The following HEATR4 variants were observed in gnomAD, a reference collection of about 807,000 sequenced individuals.
HEATR4 encodes the protein HEAT repeat-containing protein 4.
HEATR4 carries 95 observed loss-of-function variants against 108.8 expected under a neutral mutation model. The ratio of observed to expected loss-of-function variants is 0.87; its 90% CI spans 0.74 to 1.04. The LOEUF is 1.04. Ranked by LOEUF, HEATR4 falls within the 50% of genes least tolerant of loss-of-function variation. The probability of loss-of-function intolerance (pLI) is 0.00; values close to 1 mark genes in which losing one functional copy is unlikely to be tolerated. For missense variants in HEATR4, 1,152 were observed against 1,253.8 expected, an observed-to-expected ratio of 0.92 and a Z score of 1.23; for synonymous variants, 443 against 459.4, an observed-to-expected ratio of 0.96 and a Z score of 0.46.
intron 1 of HEATR4, among the ~76,000 whole-genome samples, chr14:73,547,869 G>C (rs1473658789): frequency 8.7e-6 from 1 of 115,472 alleles, no homozygotes; most frequent in African/African-American, 2.8e-5. Context: ...CTGGACAACA[G>C]AGTGAGACCC....
At chr14:73,486,161 C>T (rs925206842) in intron 17 of HEATR4, among the ~76,000 whole-genome samples, 2 of 152,168 alleles carry the variant, frequency 1.3e-5, no homozygotes, top group African/African-American at 4.8e-5. Flanking sequence ...CCAGATACTC[C>T]TTGGTTATGG....
intron 5 of HEATR4, 146 bp from the exon 6 acceptor site, chr14:73,514,380 G>A (rs1887460111): frequency 1.5e-6 from 1 of 676,268 alleles, no homozygotes; most frequent in Non-Finnish European, 2.5e-6. Flanking sequence ...ATGATTATAT[G>A]GGGAACTGAG....
chr14:73,590,948 G>A, the HEATR4 span, among the ~76,000 whole-genome samples: 1 of 152,214 alleles, frequency 6.6e-6, no homozygotes. Context: ...CCGAGGAGGC[G>A]CCGACAGCGA....
the HEATR4 span, among the ~76,000 whole-genome samples, chr14:73,565,688 C>T: frequency 3.3e-5 from 5 of 151,932 alleles, no homozygotes; most frequent in Non-Finnish European, 4.4e-5. Flanking sequence ...CTTAAGGCGG[C>T]GTGTCTGGAG....
the HEATR4 span, among the ~76,000 whole-genome samples, chr14:73,610,295 T>C: frequency 4.0e-5 from 6 of 151,244 alleles, no homozygotes; most frequent in Non-Finnish European, 8.8e-5. Context: ...TGTCGCTTTT[T>C]TTTTTTTTTC....
chr14:73,570,523 C>T, the HEATR4 span, among the ~76,000 whole-genome samples: 5 of 151,686 alleles, frequency 3.3e-5, 1 homozygote, highest in Admixed American at 6.6e-5. Context: ...GAGCTGAGAT[C>T]GCGCCACTGC....
chr14:73,486,964 A>G (rs892150838), intron 17 of HEATR4, among the ~76,000 whole-genome samples: 1 of 152,046 alleles, frequency 6.6e-6, no homozygotes, highest in Admixed American at 6.6e-5. Context: ...ATTAGCATCT[A>G]TATTCAGAAT....
the HEATR4 span, among the ~76,000 whole-genome samples, chr14:73,585,290 T>A: frequency 1.3e-5 from 2 of 152,128 alleles, no homozygotes; most frequent in Non-Finnish European, 2.9e-5. Flanking sequence ...CCAGGGCTGG[T>A]GCTCCACCCC....
the HEATR4 span, among the ~76,000 whole-genome samples, chr14:73,629,581 T>C: frequency 6.6e-6 from 1 of 152,094 alleles, no homozygotes; most frequent in Non-Finnish European, 1.5e-5. Flanking sequence ...TGAAGGGGAC[T>C]ATAAGAAAGT....
At chr14:73,582,558 T>C in the HEATR4 span, 1 of 151,828 alleles carries the variant, frequency 6.6e-6, no homozygotes, top group African/African-American at 2.4e-5. Flanking sequence ...ATAGACAGCA[T>C]GAGCATTTTG....
chr14:73,505,886 G>A (rs972148543), intron 10 of HEATR4, among the ~76,000 whole-genome samples: 17 of 121,696 alleles, frequency 1.4e-4, no homozygotes, highest in African/African-American at 4.2e-4. Context: ...TACTATAAAC[G>A]TTTCTTTTTT....
At chr14:73,566,751 C>T in the HEATR4 span, among the ~76,000 whole-genome samples, 2 of 152,182 alleles carry the variant, frequency 1.3e-5, no homozygotes, top group Non-Finnish European at 1.5e-5. Flanking sequence ...GGAGACGGCT[C>T]CGGCCTTGGC....
chr14:73,592,191 A>C, the HEATR4 span: 6 of 1,609,676 alleles, frequency 3.7e-6, no homozygotes, highest in South Asian at 4.4e-5. Context: ...ACTCGAGCCC[A>C]TGGGGCTGCT....
At position 73,502,041 on chromosome 14, in the gene HEATR4, G is replaced by A. The variant is rs373102547; in HGVS notation, c.2105+854C>T. The stretch of plus-strand genomic sequence containing the variant: ...ATTACAGGAGTGAGCCACTGCGCCC[G>A]GCCAATTTTTTTTTTTTTTTTTTTT... On this transcript the variant is annotated intron_variant, in intron 11 of 17. Transcript: ENST00000553558. Among the ~76,000 whole-genome samples, 120 of 150,926 alleles carry A rather than the reference G, an allele frequency of 8.0e-4. 1 individual carries two copies. Among genetic ancestry groups the A allele is most frequent in the Middle Eastern group, 3.4e-3 (1 of 290 alleles).
intron 1 of HEATR4, among the ~76,000 whole-genome samples, chr14:73,538,384 C>A (rs1888950327): frequency 8.8e-6 from 1 of 113,960 alleles, no homozygotes; most frequent in South Asian, 2.8e-4. Context: ...GAAGCCGAGG[C>A]GGGCGGATCA....
At chr14:73,569,460 C>G in the HEATR4 span, 2 of 1,613,526 alleles carry the variant, frequency 1.2e-6, no homozygotes, top group South Asian at 2.2e-5. Context: ...GCCTGCGGGC[C>G]GCTGCTGCTG....
chr14:73,585,491 C>T, the HEATR4 span, among the ~76,000 whole-genome samples: 1 of 152,056 alleles, frequency 6.6e-6, no homozygotes, highest in African/African-American at 2.4e-5. Context: ...TCAAGACCAG[C>T]CTGGGCAACA....
chr14:73,625,347 C>T, the HEATR4 span, among the ~76,000 whole-genome samples: 10 of 151,302 alleles, frequency 6.6e-5, no homozygotes, highest in Admixed American at 1.3e-4. Flanking sequence ...TGTGAGCCAC[C>T]GCGCCCAGCC....
At chr14:73,513,991 C>T in intron 6 of HEATR4, 40 bp downstream of exon 6, 1 of 1,592,972 alleles carries the variant, frequency 6.3e-7, no homozygotes. Flanking sequence ...AGAACCACTT[C>T]TCACAAACGT....
Sources: allele counts gnomAD v4.1 joint callset (sites outside exome capture counted in the v4.1 genomes callset), GRCh38; gene constraint gnomAD v4.1.1; transcripts MANE v1.5; gene names NCBI Gene and HGNC (gene_info 2026-07-23, HGNC 2026-07-21).